Variants in ATG7 observed in about 807,000 individuals in gnomAD.
The protein encoded by ATG7 is autophagy related 7.
In ATG7, 70 loss-of-function variants were observed where a neutral mutation model predicts 82.4. The ratio of observed to expected loss-of-function variants is 0.85; its 90% CI spans 0.70 to 1.04. The LOEUF (loss-of-function observed/expected upper bound fraction) is 1.04, where lower values mean the gene tolerates loss of function less well. ATG7 is among the 50% of genes least tolerant of loss of function. The pLI is 0.00. For missense variants in ATG7, 792 were observed against 864.3 expected, an observed-to-expected ratio of 0.92 and a Z score of 1.05; for synonymous variants, 287 against 313.0, an observed-to-expected ratio of 0.92 and a Z score of 0.88.
chr3:11,315,935 G>A (rs1393081506), intron 9 of ATG7, among the ~76,000 whole-genome samples: 1 of 152,116 alleles, frequency 6.6e-6, no homozygotes, highest in Non-Finnish European at 1.5e-5. Context: ...GTTTCACTAT[G>A]TTGGCCAGGT....
chr3:11,333,748 C>CTT (rs770412107), intron 11 of ATG7, among the ~76,000 whole-genome samples: 19 of 138,220 alleles, frequency 1.4e-4, no homozygotes, highest in African/African-American at 2.4e-4. Context: ...GGATATATTT[C>CTT]TTTTTTTTTT....
intron 20 of ATG7, among the ~76,000 whole-genome samples, chr3:11,495,376 C>T (rs2090743843): frequency 6.6e-6 from 1 of 152,112 alleles, no homozygotes; most frequent in Non-Finnish European, 1.5e-5. Context: ...AGTGTCTCAT[C>T]CTGAGGAGAG....
rs931271397 is a variant in ATG7 at position 11,557,144 on chromosome 3, C to G, written c.*2301C>G. The G allele has an allele frequency of 1.3e-5, 2 of 152,662 alleles. No individual in the cohort carries two copies. The highest frequency in any genetic ancestry group is 4.8e-5 in the African/African-American group (2 of 41,452). 9.5% of individuals were successfully genotyped at this position (152,662 alleles called of 1,614,324 possible). ...ACACCCCAGGGGGAGGGGATAGAAA[C>G]GCTCATTGACCAAAAAGGAGCAGCT... On this transcript the variant is annotated 3_prime_UTR_variant, in exon 21 of 21. Transcript: ENST00000693202.
chr3:11,319,699 T>A (rs1338166579), intron 9 of ATG7, among the ~76,000 whole-genome samples: 1 of 152,254 alleles, frequency 6.6e-6, no homozygotes, highest in East Asian at 1.9e-4. Flanking sequence ...CTCAGAATGA[T>A]GCTGCTTCTA....
At chr3:11,539,470 G>A (rs1340069113) in intron 20 of ATG7, among the ~76,000 whole-genome samples, 2 of 152,180 alleles carry the variant, frequency 1.3e-5, no homozygotes, top group Admixed American at 1.3e-4. Flanking sequence ...AGGGAAGGTT[G>A]GGCTGGAAGG....
chr3:11,424,624 T>C (rs2082208915), intron 19 of ATG7, among the ~76,000 whole-genome samples: 1 of 151,478 alleles, frequency 6.6e-6, no homozygotes, highest in African/African-American at 2.4e-5. Context: ...TAATATTAAA[T>C]ATTTAAAAAT....
chr3:11,456,208 C>G (rs1027960888), intron 20 of ATG7, among the ~76,000 whole-genome samples: 2 of 152,176 alleles, frequency 1.3e-5, no homozygotes, highest in South Asian at 2.1e-4. Context: ...TTTGCGTGTT[C>G]TGAACATCTC....
intron 5 of ATG7, among the ~76,000 whole-genome samples, chr3:11,303,427 T>C (rs1947114696): frequency 6.6e-6 from 1 of 152,126 alleles, no homozygotes; most frequent in Non-Finnish European, 1.5e-5. Flanking sequence ...CCCAGCACTT[T>C]GGGAGGCCGA....
At chr3:11,418,139 C>G (rs1418991956) in intron 19 of ATG7, among the ~76,000 whole-genome samples, 3 of 151,742 alleles carry the variant, frequency 2.0e-5, no homozygotes, top group African/African-American at 7.3e-5. Context: ...GGGTCTCACT[C>G]TGTTGTCCAG....
Position 11,509,185 on chromosome 3 carries a change from C to G in ATG7, c.2080-45626C>G, listed in dbSNP as rs551386107. ...AAATAAATAAGCAATTATGACGCAG[C>G]GCCACATGGCCAACAGCTTTTAGCT... On this transcript the variant is annotated intron_variant, in intron 20 of 20. Coordinates refer to ENST00000693202, the MANE Select transcript of ATG7 (RefSeq NM_001349232.2). Among the ~76,000 whole-genome samples, 2 of 152,254 alleles carry G rather than the reference C, an allele frequency of 1.3e-5. 1 individual carries two copies.
chr3:11,281,343 G>A (rs1461563468), intron 2 of ATG7, among the ~76,000 whole-genome samples: 1 of 152,224 alleles, frequency 6.6e-6, no homozygotes, highest in African/African-American at 2.4e-5. Context: ...CTAACTAAAG[G>A]AAGTAAAATC....
At position 11,337,431 on chromosome 3, in the gene ATG7, C is replaced by T. The variant is rs191216501; in HGVS notation, c.890-3214C>T. ...TAAGTGCCACTGCACTCCAGCCTGG[C>T]GAGACAGCAAGACTCTGTCTGTCTC... On this transcript the variant is annotated intron_variant, in intron 11 of 20. Transcript: ENST00000693202. 4.2e-4 allele frequency among the ~76,000 whole-genome samples: 64 copies of T among 151,712 alleles called. 1 individual carries two copies. The East Asian group carries it at 8.7e-3, about 21-fold the overall frequency.
chr3:11,532,991 A>ACT (rs1334682935), intron 20 of ATG7, among the ~76,000 whole-genome samples: 1 of 152,206 alleles, frequency 6.6e-6, no homozygotes, highest in Non-Finnish European at 1.5e-5. Context: ...GCTAGCTAGT[A>ACT]AGGTGTCACA....
chr3:11,527,505 G>A (rs146859473), intron 20 of ATG7, among the ~76,000 whole-genome samples: 25 of 152,220 alleles, frequency 1.6e-4, no homozygotes, highest in African/African-American at 5.5e-4. Flanking sequence ...TGCATTCCTG[G>A]GAACTCATGG....
chr3:11,362,987 C>T, intron 17 of ATG7, 59 bp downstream of exon 17: 1 of 1,413,352 alleles, frequency 7.1e-7, no homozygotes, highest in South Asian at 1.2e-5. Flanking sequence ...AGTTGTTCAT[C>T]AGTGTCTCCC....
At chr3:11,291,341 G>C (rs1944952442) in intron 3 of ATG7, among the ~76,000 whole-genome samples, 1 of 152,164 alleles carries the variant, frequency 6.6e-6, no homozygotes, top group South Asian at 2.1e-4. Flanking sequence ...TGAATAATTG[G>C]TTATTTTTTA....
At chr3:11,568,917 C>T in the ATG7 span, 8 of 1,259,032 alleles carry the variant, frequency 6.4e-6, no homozygotes, top group South Asian at 9.7e-5. The surrounding 1 kb of genome is among the most constrained non-coding windows in gnomAD (Gnocchi z 5.9). Flanking sequence ...CCATCCTAGG[C>T]GGGCACTTCC....
At chr3:11,544,467 G>A (rs539574714) in intron 20 of ATG7, among the ~76,000 whole-genome samples, 6 of 152,324 alleles carry the variant, frequency 3.9e-5, no homozygotes, top group South Asian at 2.1e-4. Context: ...AGTACCCACC[G>A]CTGTGTGTCC....
chr3:11,348,938 T>G (rs2084465), intron 14 of ATG7, among the ~76,000 whole-genome samples: 79,597 of 151,812 alleles, frequency 0.52, 21,858 homozygotes, highest in Non-Finnish European at 0.63. Flanking sequence ...AGAGTGCTGA[T>G]TGGTGCGTTT....
Sources: allele counts gnomAD v4.1 joint callset (sites outside exome capture counted in the v4.1 genomes callset), GRCh38; gene constraint gnomAD v4.1.1; non-coding constraint Gnocchi (gnomAD v3.1); transcripts MANE v1.5; gene names NCBI Gene and HGNC (gene_info 2026-07-23, HGNC 2026-07-21).